Variants in TMEM167A observed in about 807,000 individuals in gnomAD.
The protein encoded by TMEM167A is protein kish-A.
TMEM167A carries 8 observed loss-of-function variants against 11.6 expected under a neutral mutation model. The observed-to-expected ratio is 0.69, with a 90% confidence interval of 0.40 to 1.24. The LOEUF is 1.24. TMEM167A is among the 50% of genes most tolerant of loss of function. The pLI, the probability that TMEM167A is intolerant of heterozygous loss-of-function variation, is 0.01. For synonymous variants in TMEM167A, 22 were observed against 28.0 expected (o/e 0.79, Z 0.67); for missense variants, 62 against 87.0 (o/e 0.71, Z 1.14).
At position 83,056,197 on chromosome 5, in the gene TMEM167A, G is replaced by A. The variant is rs1329057250; in HGVS notation, c.*887C>T. On this transcript the variant is annotated 3_prime_UTR_variant, in exon 4 of 4. Coordinates refer to ENST00000502346, the MANE Select transcript of TMEM167A (RefSeq NM_174909.5). ...TGACAAAACACAAACTGGATTTAAA[G>A]TGCTGTGTTAAAAAACAAAACAAAA... The A allele has an allele frequency of 6.6e-6, 1 of 151,936 alleles. No individual in the cohort carries two copies. Among genetic ancestry groups the A allele is most frequent in the Non-Finnish European group, 1.5e-5 (1 of 67,906 alleles). 9.4% of individuals were successfully genotyped at this position (151,936 alleles called of 1,614,324 possible).
chr5:83,073,216 A>G (rs1580178726), intron 1 of TMEM167A, among the ~76,000 whole-genome samples: 2 of 152,202 alleles, frequency 1.3e-5, no homozygotes, highest in Non-Finnish European at 2.9e-5. Flanking sequence ...TGTGGCCAAT[A>G]ATACGACTTT....
intron 3 of TMEM167A, 67 bp from the exon 4 acceptor site, chr5:83,057,221 A>C: frequency 7.1e-7 from 1 of 1,410,392 alleles, no homozygotes; most frequent in Non-Finnish European, 1.0e-6. Flanking sequence ...ACAAGGTTAT[A>C]CTACCATAAG....
At chr5:83,062,056 TG>T in intron 2 of TMEM167A, 145 bp from the exon 3 acceptor site, 2 of 628,034 alleles carry the variant, frequency 3.2e-6, no homozygotes, top group South Asian at 4.2e-5. Context: ...CCTTATTTGA[TG>T]TTGAGCCACC....
chr5:83,068,602 G>A lies in TMEM167A; in HGVS notation c.4-3485C>T, dbSNP rs150723780. Reference sequence around the variant, plus strand: ...AGGAACGGAGTCAAACCTTGAAAGGGCACCATTCAGATGGGCAAATAGCAA... The same window carrying A: ...AGGAACGGAGTCAAACCTTGAAAGGACACCATTCAGATGGGCAAATAGCAA... On this transcript the variant is annotated intron_variant, in intron 1 of 3. Transcript: ENST00000502346. 7.2e-5 allele frequency among the ~76,000 whole-genome samples: 11 copies of A among 152,080 alleles called. No homozygotes were observed. In the East Asian group the frequency reaches 1.9e-3, roughly 27 times the overall value.
intron 2 of TMEM167A, among the ~76,000 whole-genome samples, chr5:83,062,250 T>C (rs1011511532): frequency 6.6e-6 from 1 of 152,196 alleles, no homozygotes; most frequent in Non-Finnish European, 1.5e-5. Flanking sequence ...AAAATGTATA[T>C]GGCAATTTAA....
rs905333865 is a variant in TMEM167A at position 83,060,038 on chromosome 5, T to C, written c.148+1839A>G. 8.6e-5 allele frequency among the ~76,000 whole-genome samples: 5 copies of C among 58,118 alleles called. 1 individual carries two copies. Among genetic ancestry groups the C allele is most frequent in the Admixed American group, 2.5e-4 (2 of 7,904 alleles). 38.1% of individuals were successfully genotyped at this position (58,118 alleles called of 152,430 possible). On this transcript the variant is annotated intron_variant, in intron 3 of 3. Transcript: ENST00000502346. ...AGTATGACAGAACACTGAGGAAGAA[T>C]AGCTGCACCCATTGAGTACCTGACT...
rs1052108901 is a variant in TMEM167A at position 83,053,423 on chromosome 5, C to A, written c.*3661G>T. The A allele has an allele frequency of 1.4e-4, 21 of 151,918 alleles. No homozygotes were observed. The highest frequency in any genetic ancestry group is 5.1e-4 in the African/African-American group (21 of 41,406). The allele number at this position is 151,918 out of a possible 1,614,324, so 9.4% of individuals were successfully genotyped here. A position where few individuals can be genotyped will look rare whatever the true frequency, so the allele number is the denominator to read the frequency against. On this transcript the variant is annotated 3_prime_UTR_variant, in exon 4 of 4. Coordinates refer to ENST00000502346, the MANE Select transcript of TMEM167A (RefSeq NM_174909.5). ...AAATACTGACCTAACTAGTCAGTTG[C>A]CTCCACCTTATATACTATTCAGGCA...
At chr5:83,070,102 C>A (rs56203372) in intron 1 of TMEM167A, among the ~76,000 whole-genome samples, 2,795 of 152,150 alleles carry the variant, frequency 0.018, 88 homozygotes, top group African/African-American at 0.063. Flanking sequence ...GTATCCACAT[C>A]TTCTATCACC....
At chr5:83,071,056 T>G (rs1164161590) in intron 1 of TMEM167A, among the ~76,000 whole-genome samples, 1 of 152,138 alleles carries the variant, frequency 6.6e-6, no homozygotes, top group Non-Finnish European at 1.5e-5. Context: ...CTAAACAAGC[T>G]GTGGCTAGAG....
chr5:83,054,820 C>A lies in TMEM167A; in HGVS notation c.*2264G>T, dbSNP rs902315073. On this transcript the variant is annotated 3_prime_UTR_variant, in exon 4 of 4. Coordinates refer to ENST00000502346, the MANE Select transcript of TMEM167A (RefSeq NM_174909.5). ...ACCTATATAACAACCTGCACATGTA[C>A]CCCTGAACCTAAAAGTTAAAAAAAT... The A allele has an allele frequency of 1.3e-5, 2 of 151,832 alleles. No homozygotes were observed. The highest frequency in any genetic ancestry group is 2.4e-5 in the African/African-American group (1 of 41,360). The allele number at this position is 151,832 out of a possible 1,614,324, so 9.4% of individuals were successfully genotyped here.
At chr5:83,072,905 T>A (rs1744584607) in intron 1 of TMEM167A, among the ~76,000 whole-genome samples, 1 of 152,140 alleles carries the variant, frequency 6.6e-6, no homozygotes, top group Non-Finnish European at 1.5e-5. Context: ...GTTCATAAGA[T>A]CAGAACTATT....
Sources: allele counts gnomAD v4.1 joint callset (sites outside exome capture counted in the v4.1 genomes callset), GRCh38; gene constraint gnomAD v4.1.1; transcripts MANE v1.5; gene names NCBI Gene and HGNC (gene_info 2026-07-23, HGNC 2026-07-21).